The following TRPC3 variants were observed in gnomAD, a reference collection of about 807,000 sequenced individuals.
TRPC3 encodes short transient receptor potential channel 3.
TRPC3 carries 54 observed loss-of-function variants against 90.9 expected under a neutral mutation model. That is an observed-to-expected ratio of 0.59 (90% CI 0.48 to 0.75). TRPC3 has a LOEUF of 0.75. Among genes scored for constraint, TRPC3 ranks in the 30% least tolerant of loss-of-function variants. The pLI is 0.00. For synonymous variants in TRPC3, 424 were observed against 450.9 expected, an observed-to-expected ratio of 0.94 and a Z score of 0.75; for missense variants, 918 against 1,194.5, an observed-to-expected ratio of 0.77 and a Z score of 3.41.
At chr4:121,893,249 T>G (rs1397738962) in intron 10 of TRPC3, among the ~76,000 whole-genome samples, 1 of 152,148 alleles carries the variant, frequency 6.6e-6, no homozygotes, top group Non-Finnish European at 1.5e-5. Flanking sequence ...AGAATGCACA[T>G]GTATGTGTGT....
At chr4:121,941,522 T>C (rs964202314) in intron 1 of TRPC3, among the ~76,000 whole-genome samples, 1 of 152,182 alleles carries the variant, frequency 6.6e-6, no homozygotes, top group African/African-American at 2.4e-5. Context: ...GCCACCATGT[T>C]AGTTACACTA....
In TRPC3 at chr4:121,951,165, C is replaced by G. The variant is rs1053391553; in HGVS notation, c.215+301G>C. 2.6e-5 allele frequency among the ~76,000 whole-genome samples: 4 copies of G among 152,186 alleles called. No homozygotes were observed. The highest frequency in any genetic ancestry group is 1.3e-4 in the Admixed American group (2 of 15,290). Reference sequence around the variant, plus strand: ...GGCTCTAATACAGGGAGTGGCTGCTCGCCAGGATGCTTGTCTGAAGTCAGT... The same window carrying G: ...GGCTCTAATACAGGGAGTGGCTGCTGGCCAGGATGCTTGTCTGAAGTCAGT... On this transcript the variant is annotated intron_variant, in intron 1 of 11. Transcript: ENST00000379645. This position sits in a 1 kb window ranked among gnomAD's most constrained non-coding sequence, Gnocchi z 4.4.
In TRPC3 at chr4:121,901,034, C is replaced by T. The variant is rs139097583; in HGVS notation, c.2464-1339G>A. Among the ~76,000 whole-genome samples the T allele has an allele frequency of 3.2e-4, 48 of 152,260 alleles. No homozygotes were observed. The East Asian group carries it at 6.0e-3, about 19-fold the overall frequency. The stretch of plus-strand genomic sequence containing the variant: ...GGTCTAGGTAGCCACAAGCCTACTG[C>T]GTGTGCTCTTCTCAACCTGACGTTT... On this transcript the variant is annotated intron_variant, in intron 9 of 11. Transcript: ENST00000379645.
chr4:121,892,979 G>C (rs933152384), intron 10 of TRPC3, among the ~76,000 whole-genome samples: 2 of 151,960 alleles, frequency 1.3e-5, no homozygotes, highest in South Asian at 4.2e-4. Context: ...AAGTTAGCTG[G>C]GTGTGGTGGC....
At chr4:121,921,492 AGCCT>A (rs1729506484) in intron 3 of TRPC3, among the ~76,000 whole-genome samples, 1 of 135,936 alleles carries the variant, frequency 7.4e-6, no homozygotes, top group African/African-American at 2.8e-5. Flanking sequence ...ACTGCACTCC[AGCCT>A]GGGCGACAGA....
chr4:121,907,285 AT>A lies in TRPC3; in HGVS notation c.2057+17del. On this transcript the variant is annotated intron_variant, in intron 7 of 11. Coordinates refer to ENST00000379645, the MANE Select transcript of TRPC3 (RefSeq NM_001130698.2). ...AATTTCTCTTTATCATACCTGTATAATAAGATATTTTACTTACGTGGTAAAA... is the reference window on the plus strand; with the variant it reads ...AATTTCTCTTTATCATACCTGTATAAAAGATATTTTACTTACGTGGTAAAA... The A allele has an allele frequency of 6.3e-7, 1 of 1,592,454 alleles. No individual in the cohort carries two copies. Among genetic ancestry groups the A allele is most frequent in the Non-Finnish European group, 8.5e-7 (1 of 1,171,586 alleles).
chr4:121,932,528 G>T lies in TRPC3; in HGVS notation c.730C>A (p.Gln244Lys). The T allele has an allele frequency of 6.2e-7, 1 of 1,614,214 alleles. No homozygotes were observed. Among genetic ancestry groups the T allele is most frequent in the Non-Finnish European group, 8.5e-7 (1 of 1,180,040 alleles). Reference sequence around the variant, plus strand: ...AGCATGTGCACCACTTCGTATTTCTGGCAGTGCGCCGCCAGGATGATGGGG... The same window carrying T: ...AGCATGTGCACCACTTCGTATTTCTTGCAGTGCGCCGCCAGGATGATGGGG... ...ITPIILAAHC[Q>K]KYEVVHMLLM... The change falls in exon 2 of 12, where the codon CAG (glutamine) becomes AAG (lysine). Residue 244 changes from glutamine (Q) to lysine (K), a missense_variant. By Grantham distance (53) the Gln-to-Lys change is moderately conservative. Around this residue, in one of 4 missense-constraint regions of TRPC3, gnomAD observed 609 missense variants for 725.9 expected, o/e 0.84. Coordinates refer to ENST00000379645, the MANE Select transcript of TRPC3 (RefSeq NM_001130698.2). The surrounding 1 kb of genome is among the most constrained non-coding windows in gnomAD (Gnocchi z 7.7).
rs921592667 is a variant in TRPC3 at position 121,951,947 on chromosome 4, G to A, written c.-267C>T. 6.6e-5 allele frequency among the ~76,000 whole-genome samples: 10 copies of A among 152,090 alleles called. No individual in the cohort carries two copies. The highest frequency in any genetic ancestry group is 1.5e-4 in the Non-Finnish European group (10 of 68,002). ...GGCTGCGACGAGGAAGCCCGGGGCC[G>A]AGCGGGGCTCTGGTGCTGGGAGAGG... On this transcript the variant is annotated 5_prime_UTR_variant, in exon 1 of 12. Transcript: ENST00000379645. The surrounding 1 kb of genome is among the most constrained non-coding windows in gnomAD (Gnocchi z 4.4).
At chr4:121,883,127 A>C (rs2149104271) in intron 10 of TRPC3, among the ~76,000 whole-genome samples, 1 of 152,258 alleles carries the variant, frequency 6.6e-6, no homozygotes, top group East Asian at 1.9e-4. Context: ...CATACCATGA[A>C]CACAAAAATT....
chr4:121,908,006 C>G (rs1311553490), intron 6 of TRPC3, among the ~76,000 whole-genome samples: 2 of 152,064 alleles, frequency 1.3e-5, no homozygotes, highest in Non-Finnish European at 2.9e-5. Context: ...TTAGTTCATC[C>G]AACAATTCAT....
intron 1 of TRPC3, among the ~76,000 whole-genome samples, chr4:121,946,694 G>A: frequency 6.6e-6 from 1 of 152,208 alleles, no homozygotes; most frequent in Non-Finnish European, 1.5e-5. Flanking sequence ...AAGTGGAGTA[G>A]ACAGAAAAGG....
chr4:121,886,848 C>T (rs938278791), intron 10 of TRPC3, among the ~76,000 whole-genome samples: 1 of 152,042 alleles, frequency 6.6e-6, no homozygotes, highest in African/African-American at 2.4e-5. Flanking sequence ...TTATCTGGGC[C>T]AAGTTTAAGG....
intron 10 of TRPC3, among the ~76,000 whole-genome samples, chr4:121,885,245 CA>C (rs1455322103): frequency 8.5e-5 from 13 of 152,142 alleles, no homozygotes; most frequent in Non-Finnish European, 1.9e-4. Context: ...GAGAAGGAGA[CA>C]AAGATTGGCC....
chr4:121,900,665 G>A (rs1318052978), intron 9 of TRPC3, among the ~76,000 whole-genome samples: 3 of 151,738 alleles, frequency 2.0e-5, no homozygotes, highest in Non-Finnish European at 4.4e-5. Context: ...CTAAAAAAGA[G>A]AAATAGAAAA....
intron 5 of TRPC3, among the ~76,000 whole-genome samples, chr4:121,910,798 T>G (rs1333821839): frequency 6.6e-6 from 1 of 152,174 alleles, no homozygotes; most frequent in African/African-American, 2.4e-5. Context: ...CCATAGTGAT[T>G]ATTGGAGAAA....
chr4:121,938,859 C>A (rs886450077), intron 1 of TRPC3, among the ~76,000 whole-genome samples: 18 of 151,614 alleles, frequency 1.2e-4, no homozygotes, highest in Admixed American at 9.9e-4. Context: ...AAAAAAAAAA[C>A]CAAAACAGGA....
chr4:121,879,766 T>C lies in TRPC3; in HGVS notation c.2736A>G (p.Lys912=). ...LAILIHKLSE[K]LNPSMLRCE ...CACATCTCAGCATGCTGGGATTCAG[T>C]TTCTCACTAAGTTTATGAATTAGAA... is the stretch of plus-strand genomic sequence containing the variant. Residue 912 remains lysine, a synonymous_variant, in exon 12 of 12, where the codon AAA becomes AAG. Transcript: ENST00000379645. The C allele has an allele frequency of 6.2e-7, 1 of 1,610,132 alleles. No individual in the cohort carries two copies. The highest frequency in any genetic ancestry group is 8.5e-7 in the Non-Finnish European group (1 of 1,178,624).
At chr4:121,899,976 C>T (rs867122766) in intron 9 of TRPC3, among the ~76,000 whole-genome samples, 2 of 151,912 alleles carry the variant, frequency 1.3e-5, no homozygotes, top group African/African-American at 2.4e-5. Flanking sequence ...ACATAATTTT[C>T]CCTGGGGACC....
intron 10 of TRPC3, among the ~76,000 whole-genome samples, chr4:121,890,939 C>T (rs377094327): frequency 1.3e-5 from 2 of 151,792 alleles, no homozygotes; most frequent in African/African-American, 4.8e-5. Context: ...TGCAGTGAGC[C>T]GAGATCACGC....
Sources: allele counts gnomAD v4.1 joint callset (sites outside exome capture counted in the v4.1 genomes callset), GRCh38; gene constraint gnomAD v4.1.1; regional missense constraint gnomAD v4.1.1; non-coding constraint Gnocchi (gnomAD v3.1); transcripts MANE v1.5; gene names NCBI Gene and HGNC (gene_info 2026-07-23, HGNC 2026-07-21).